The following P2RX5 variants were observed in gnomAD, a reference collection of about 807,000 sequenced individuals.
The protein encoded by P2RX5 is P2X purinoceptor 5.
In P2RX5, 46 loss-of-function variants were observed where a neutral mutation model predicts 54.1. The ratio of observed to expected loss-of-function variants is 0.85; its 90% confidence interval spans 0.67 to 1.09. The LOEUF is 1.09. P2RX5 is among the 50% of genes least tolerant of loss of function. P2RX5 has a pLI of 0.00. For missense variants in P2RX5, 566 were observed against 549.8 expected (o/e 1.03, Z -0.29); for synonymous variants, 226 against 226.4 (o/e 1.00, Z 0.02).
At chr17:3,699,893 G>A (rs1282458774), upstream of P2RX5, among the ~76,000 whole-genome samples, 6 of 27,946 alleles carry the variant, frequency 2.1e-4, no homozygotes, top group Middle Eastern at 0.026. Flanking sequence ...AAGGAAGGAA[G>A]GAAGGAAGGA....
At chr17:3,678,285 G>C (rs531625237) in intron 11 of P2RX5, 1 of 171,010 alleles carries the variant, frequency 5.8e-6, no homozygotes, top group Non-Finnish European at 1.2e-5. Context: ...GGGTTCCTGC[G>C]GAAGCCCAGC....
At chr17:3,700,901 G>T (rs2050811933), upstream of P2RX5, among the ~76,000 whole-genome samples, 1 of 152,084 alleles carries the variant, frequency 6.6e-6, no homozygotes, top group Non-Finnish European at 1.5e-5. Flanking sequence ...GCTTCCTGAG[G>T]CCTCCCCAGA....
the P2RX5 span, chr17:3,720,626 G>C: frequency 2.7e-6 from 1 of 366,000 alleles, no homozygotes; most frequent in African/African-American, 2.2e-5. Flanking sequence ...CTTTCGCCCA[G>C]GCTGGAGTGA....
At chr17:3,678,064 C>G in intron 11 of P2RX5, 1 of 985,456 alleles carries the variant, frequency 1.0e-6, no homozygotes, top group Non-Finnish European at 1.2e-6. Flanking sequence ...TGCTGGTAGC[C>G]AGCAGCCCTG....
At chr17:3,678,335 G>A (rs767164111) in intron 11 of P2RX5, among the ~76,000 whole-genome samples, 1 of 152,242 alleles carries the variant, frequency 6.6e-6, no homozygotes, top group Non-Finnish European at 1.5e-5. Context: ...GAGTTGCCCC[G>A]GCAAGGAGTA....
At chr17:3,691,951 C>A in intron 1 of P2RX5, 157 bp from the exon 2 acceptor site, 3 of 735,224 alleles carry the variant, frequency 4.1e-6, no homozygotes, top group African/African-American at 1.7e-5. Flanking sequence ...GCAGGGGCCA[C>A]AGCTCCCACT....
At chr17:3,688,580 C>A in intron 8 of P2RX5, 46 bp downstream of exon 8, 1 of 1,609,188 alleles carries the variant, frequency 6.2e-7, no homozygotes. Context: ...TGAGTGAGTG[C>A]CACTGATCAT....
At position 3,674,036 on chromosome 17, in the gene P2RX5, C is replaced by T. The variant is rs143109830; in HGVS notation, c.1260-159G>A. Among the ~76,000 whole-genome samples, 5 of 152,262 alleles carry T rather than the reference C, an allele frequency of 3.3e-5. No homozygotes were observed. The East Asian group carries it at 5.8e-4, about 18-fold the overall frequency. The stretch of plus-strand genomic sequence containing the variant: ...TTAAAAGCCAGTTTCCGGCCAGGCG[C>T]GGTGGCTCATGCCCATGCCTGTAAT... On this transcript the variant is annotated intron_variant, in intron 11 of 11. Transcript: ENST00000225328.
chr17:3,690,536 G>A lies in P2RX5; in HGVS notation c.437-13C>T, dbSNP rs199786444. ...CCGGTCTTCACTCCTGCAGGGGTGGGACAGGATCAATGCCAGGAGCCTCCC... is the reference window on the plus strand; with the variant it reads ...CCGGTCTTCACTCCTGCAGGGGTGGAACAGGATCAATGCCAGGAGCCTCCC... On this transcript the variant is annotated splice_polypyrimidine_tract_variant and intron_variant, in intron 4 of 11. Transcript: ENST00000225328. The A allele has an allele frequency of 1.4e-5, 23 of 1,612,110 alleles. No homozygotes were observed. In the East Asian group the frequency reaches 4.7e-4, roughly 33 times the overall value.
chr17:3,703,209 TCAA>T, the P2RX5 span, among the ~76,000 whole-genome samples: 3 of 151,956 alleles, frequency 2.0e-5, no homozygotes, highest in African/African-American at 2.4e-5. Context: ...ATAGAAAAAC[TCAA>T]CAACAAACGA....
At chr17:3,695,783 G>A in intron 1 of P2RX5, 86 bp downstream of exon 1, 13 of 1,546,866 alleles carry the variant, frequency 8.4e-6, no homozygotes, top group South Asian at 1.1e-5. Flanking sequence ...GCACGCCTGC[G>A]AATTCCAGGA....
chr17:3,685,614 AG>A (rs2050426175), intron 9 of P2RX5: 1 of 168,642 alleles, frequency 5.9e-6, no homozygotes, highest in Non-Finnish European at 1.3e-5. Flanking sequence ...TGAGCGAGGC[AG>A]GTTGGACAGC....
upstream of P2RX5, among the ~76,000 whole-genome samples, chr17:3,699,081 ACACACACACACACC>A (rs1412919823): frequency 1.1e-4 from 13 of 120,812 alleles, no homozygotes; most frequent in Admixed American, 2.9e-4. Flanking sequence ...ACACACACAC[ACACACACACACACC>A]TATATATATA....
upstream of P2RX5, among the ~76,000 whole-genome samples, chr17:3,700,186 C>T (rs1281263760): frequency 6.6e-6 from 1 of 152,186 alleles, no homozygotes; most frequent in Non-Finnish European, 1.5e-5. Flanking sequence ...TGCCAAACAC[C>T]CATTGTGCCC....
chr17:3,721,837 G>C, the P2RX5 span: 1 of 152,058 alleles, frequency 6.6e-6, no homozygotes, highest in Non-Finnish European at 1.5e-5. Flanking sequence ...TCTGAGGTCA[G>C]GAGTTCAAGA....
rs922627328 is a variant in P2RX5, at chr17:3,690,243, C to G, written c.534-93G>C. 5.4e-6 allele frequency: 7 copies of G among 1,306,204 alleles called. No homozygotes were observed. In the South Asian group the frequency reaches 8.2e-5, roughly 15 times the overall value. The allele number at this position is 1,306,204 out of a possible 1,614,324, so 80.9% of individuals were successfully genotyped here. The stretch of plus-strand genomic sequence containing the variant: ...CAGTGTGAGGCCTGTTCCTTGGGTC[C>G]CCTGGAGCCTCTGCCCAGGACAGTT... On this transcript the variant is annotated intron_variant, in intron 5 of 11. Transcript: ENST00000225328.
chr17:3,714,813 C>CT, the P2RX5 span: 1 of 1,270,048 alleles, frequency 7.9e-7, no homozygotes, highest in African/African-American at 1.5e-5. Flanking sequence ...AGTCCCAGGA[C>CT]TGGCTGATAG....
rs764662654 is a variant in P2RX5, at chr17:3,695,964, G to T, written c.42C>A (p.Phe14Leu). ...TGACATACTTCTCGGTCTTGTAGTC[G>T]AACAGCGACAGGCAGAGCCCCTTGC... ...AGCKGLCLSL[F>L]DYKTEKYVIA... The change falls in exon 1 of 12, where the codon TTC becomes TTA. Residue 14 changes from phenylalanine (F) to leucine (L), a missense_variant. Phe to Leu is a conservative substitution (Grantham distance 22). Transcript: ENST00000225328. 2.5e-6 allele frequency: 4 copies of T among 1,614,094 alleles called. No homozygotes were observed. Among genetic ancestry groups the T allele is most frequent in the South Asian group, 1.1e-5 (1 of 91,084 alleles).
Position 3,689,962 on chromosome 17 carries a change from G to A in P2RX5, c.614+108C>T. ...CACACGCGAACACACGCACACACGT[G>A]CACACACGCGCGCACACACACCCCC... On this transcript the variant is annotated intron_variant, in intron 6 of 11. Transcript: ENST00000225328. 4 of 993,274 alleles carry A rather than the reference G, an allele frequency of 4.0e-6. No individual in the cohort carries two copies. The South Asian group carries it at 5.1e-5, about 13-fold the overall frequency. The allele number at this position is 993,274 out of a possible 1,614,324, so 61.5% of individuals were successfully genotyped here. A position where few individuals can be genotyped will look rare whatever the true frequency, so the allele number is the denominator to read the frequency against.
Sources: allele counts gnomAD v4.1 joint callset (sites outside exome capture counted in the v4.1 genomes callset), GRCh38; gene constraint gnomAD v4.1.1; transcripts MANE v1.5; gene names NCBI Gene and HGNC (gene_info 2026-07-23, HGNC 2026-07-21).